The following CYLD variants were observed in gnomAD, a reference collection of about 807,000 sequenced individuals.
CYLD encodes the protein ubiquitin carboxyl-terminal hydrolase CYLD.
In CYLD, 26 loss-of-function variants were observed where a neutral mutation model predicts 104.5. The ratio of observed to expected loss-of-function variants is 0.25; its 90% CI spans 0.18 to 0.35. The LOEUF is 0.35. Ranked by LOEUF, CYLD falls within the 10% of genes least tolerant of loss-of-function variation. CYLD has a pLI of 1.00. For synonymous variants in CYLD, 385 were observed against 399.9 expected (o/e 0.96, Z 0.45); for missense variants, 703 against 1,136.1 (o/e 0.62, Z 5.48).
In CYLD at chr16:50,794,665, G is replaced by A; in HGVS notation, c.2686+237G>A. 3.9e-6 allele frequency: 2 copies of A among 519,236 alleles called. No individual in the cohort carries two copies. Among genetic ancestry groups the A allele is most frequent in the Non-Finnish European group, 7.0e-6 (2 of 287,520 alleles). The allele number at this position is 519,236 out of a possible 1,614,324, so 32.2% of individuals were successfully genotyped here. On this transcript the variant is annotated intron_variant, in intron 18 of 18. Transcript: ENST00000427738. This position sits in a 1 kb window ranked among gnomAD's most constrained non-coding sequence, Gnocchi z 4.1. ...AGATGGAGTCTCACTCTGTCACCCA[G>A]GCTGGAGTGCAGCAGCGTGATCTTG...
chr16:50,782,016 GA>G (rs1970266938), intron 10 of CYLD, among the ~76,000 whole-genome samples: 1 of 152,164 alleles, frequency 6.6e-6, no homozygotes, highest in African/African-American at 2.4e-5. Flanking sequence ...TTTCAAACTT[GA>G]AAGTGAAGCA....
At position 50,797,893 on chromosome 16, in the gene CYLD, A is replaced by G. The variant is rs1291151531; in HGVS notation, c.*1385A>G. On this transcript the variant is annotated 3_prime_UTR_variant, in exon 19 of 19. Coordinates refer to ENST00000427738, the MANE Select transcript of CYLD (RefSeq NM_001378743.1). ...AATATTTACTAGCTTTATAAATTAC[A>G]GTAAGGTACAAAAACTCATCTTGTA... 4.3e-6 allele frequency: 1 copy of G among 232,252 alleles called. No homozygotes were observed. The highest frequency in any genetic ancestry group is 8.5e-6 in the Non-Finnish European group (1 of 117,486). 14.4% of individuals were successfully genotyped at this position (232,252 alleles called of 1,614,324 possible).
At chr16:50,781,609 G>C (rs781448974) in intron 10 of CYLD, among the ~76,000 whole-genome samples, 198 bp downstream of exon 10, 31 of 152,178 alleles carry the variant, frequency 2.0e-4, no homozygotes, top group Admixed American at 6.5e-5. Context: ...GTATTAGGAC[G>C]TGCGTTTGGG....
At chr16:50,781,486 T>A (rs1970210175) in intron 10 of CYLD, 75 bp downstream of exon 10, 1 of 1,518,816 alleles carries the variant, frequency 6.6e-7, no homozygotes, top group Non-Finnish European at 9.1e-7. Flanking sequence ...TTATATTAGG[T>A]GATGGTGACA....
intron 5 of CYLD, among the ~76,000 whole-genome samples, chr16:50,759,679 C>A (rs1213044583): frequency 6.6e-6 from 1 of 152,072 alleles, no homozygotes; most frequent in Non-Finnish European, 1.5e-5. Flanking sequence ...AGTTTGGTGC[C>A]CATTGTAATA....
At chr16:50,792,484 A>G (rs1007977540) in intron 15 of CYLD, 113 bp from the exon 16 acceptor site, 3 of 715,050 alleles carry the variant, frequency 4.2e-6, no homozygotes, top group Non-Finnish European at 7.4e-6. Context: ...GTTTCATAGG[A>G]CACCAATATT....
chr16:50,761,650 A>T (rs57171170), intron 5 of CYLD, among the ~76,000 whole-genome samples: 21,905 of 152,138 alleles, frequency 0.14, 5,050 homozygotes, highest in African/African-American at 0.49. Context: ...GTATTCTTTT[A>T]GTTTTAATAG....
rs1369314580 is a variant in CYLD, at chr16:50,801,796, A to G, written c.*5288A>G. On this transcript the variant is annotated 3_prime_UTR_variant, in exon 19 of 19. Coordinates refer to ENST00000427738, the MANE Select transcript of CYLD (RefSeq NM_001378743.1). ...GAGAACATTCTTTAAGAAGACCACC[A>G]CATAGAATACCCCTTCCTATCAGCT... 1 of 233,312 alleles carries G rather than the reference A, an allele frequency of 4.3e-6. No homozygotes were observed. The highest frequency in any genetic ancestry group is 8.5e-6 in the Non-Finnish European group (1 of 117,844). The allele number at this position is 233,312 out of a possible 1,614,324, so 14.5% of individuals were successfully genotyped here. A position where few individuals can be genotyped will look rare whatever the true frequency, so the allele number is the denominator to read the frequency against.
chr16:50,785,700 G>A (rs917624023), intron 12 of CYLD: 3 of 152,118 alleles, frequency 2.0e-5, no homozygotes, highest in African/African-American at 7.2e-5. Context: ...CCCTGTCCAC[G>A]GTAAGAAACT....
intron 14 of CYLD, among the ~76,000 whole-genome samples, chr16:50,790,380 C>A (rs940753287): frequency 6.6e-6 from 1 of 152,190 alleles, no homozygotes; most frequent in Admixed American, 6.5e-5. Context: ...CAGCCCTCCT[C>A]CCCTGCTGCC....
intron 13 of CYLD, chr16:50,787,225 T>A (rs1970933046): frequency 4.9e-6 from 2 of 408,110 alleles, no homozygotes. Flanking sequence ...GCAATGATAT[T>A]CTCAGTTGTT....
At chr16:50,766,279 A>G (rs1259135265) in intron 5 of CYLD, among the ~76,000 whole-genome samples, 1 of 152,238 alleles carries the variant, frequency 6.6e-6, no homozygotes, top group African/African-American at 2.4e-5. Flanking sequence ...AAATGGAACA[A>G]CAAAGACTGG....
chr16:50,750,165 G>A lies in CYLD; in HGVS notation c.467G>A (p.Arg156Lys), dbSNP rs1394965352. The A allele has an allele frequency of 1.2e-6, 2 of 1,613,874 alleles. No individual in the cohort carries two copies. Among genetic ancestry groups the A allele is most frequent in the African/African-American group, 2.7e-5 (2 of 74,908 alleles). ...VRFRGPLLAE[R>K]TVSGIFFGVE... ...TTCAGAGGACCCCTGTTAGCAGAGAGGACAGTCTCCGGAATATTCTTTGGA... is the reference window on the plus strand; with the variant it reads ...TTCAGAGGACCCCTGTTAGCAGAGAAGACAGTCTCCGGAATATTCTTTGGA... The change falls in exon 3 of 19, where the codon AGG becomes AAG. Residue 156 changes from arginine (R) to lysine (K), a missense_variant. Arg to Lys is a conservative substitution (Grantham distance 26, BLOSUM62 2). Transcript: ENST00000427738.
chr16:50,786,953 A>C lies in CYLD; in HGVS notation c.2041+7A>C. On this transcript the variant is annotated splice_region_variant and intron_variant, in intron 13 of 18. Coordinates refer to ENST00000427738, the MANE Select transcript of CYLD (RefSeq NM_001378743.1). Reference sequence around the variant, plus strand: ...TTTACCTCTGAAGAAAAAGGTGACCATCTTAACTTATATGCGTTAAAAATA... The same window carrying C: ...TTTACCTCTGAAGAAAAAGGTGACCCTCTTAACTTATATGCGTTAAAAATA... 6.2e-7 allele frequency: 1 copy of C among 1,604,742 alleles called. No homozygotes were observed. The highest frequency in any genetic ancestry group is 8.5e-7 in the Non-Finnish European group (1 of 1,171,448).
At chr16:50,787,755 T>C (rs375450142) in intron 13 of CYLD, 31 bp from the exon 14 acceptor site, 1 of 1,298,208 alleles carries the variant, frequency 7.7e-7, no homozygotes, top group African/African-American at 1.5e-5. Context: ...ATTTTGCCTG[T>C]GACTTATTTG....
chr16:50,787,078 A>G, intron 13 of CYLD, 132 bp downstream of exon 13: 1 of 737,240 alleles, frequency 1.4e-6, no homozygotes, highest in Non-Finnish European at 2.4e-6. Flanking sequence ...TATGTGATAT[A>G]TGGTTAGCTC....
chr16:50,744,556 A>G (rs780057673), intron 2 of CYLD, among the ~76,000 whole-genome samples: 1 of 152,240 alleles, frequency 6.6e-6, no homozygotes, highest in Non-Finnish European at 1.5e-5. Flanking sequence ...AACAAGCAGG[A>G]TATCTTTGGA....
intron 5 of CYLD, among the ~76,000 whole-genome samples, chr16:50,772,263 T>A (rs1225166727): frequency 1.3e-5 from 2 of 152,164 alleles, no homozygotes; most frequent in Non-Finnish European, 2.9e-5. Flanking sequence ...AAGAATGTAG[T>A]CAAGAAGAAA....
At chr16:50,754,465 A>AT in intron 5 of CYLD, 41 bp downstream of exon 5, 1 of 1,278,344 alleles carries the variant, frequency 7.8e-7, no homozygotes, top group East Asian at 2.5e-5. Context: ...GGCAAACTTT[A>AT]TTTTTTAATT....
Sources: allele counts gnomAD v4.1 joint callset (sites outside exome capture counted in the v4.1 genomes callset), GRCh38; gene constraint gnomAD v4.1.1; non-coding constraint Gnocchi (gnomAD v3.1); transcripts MANE v1.5; gene names NCBI Gene and HGNC (gene_info 2026-07-23, HGNC 2026-07-21).